MYOCD: variants seen among roughly 807,000 people sequenced by gnomAD.
MYOCD encodes myocardin.
Under a neutral mutation model 96.1 loss-of-function variants are expected in MYOCD, and 32 were observed. The observed-to-expected ratio is 0.33, with a 90% confidence interval of 0.25 to 0.45. The LOEUF (loss-of-function observed/expected upper bound fraction) is 0.45. Ranked by LOEUF, MYOCD falls within the 20% of genes least tolerant of loss-of-function variation. The pLI is 1.00. For missense variants in MYOCD, 1,133 were observed against 1,200.6 expected (o/e 0.94, Z 0.83); for synonymous variants, 469 against 469.0 (o/e 1.00, Z 0.00).
chr17:12,720,613 GA>G (rs1229952700), intron 4 of MYOCD, among the ~76,000 whole-genome samples: 1 of 152,114 alleles, frequency 6.6e-6, no homozygotes, highest in African/African-American at 2.4e-5. Context: ...ATTCTGGGAA[GA>G]AAAATTATAT....
At chr17:12,756,662 C>A in intron 11 of MYOCD, 105 bp downstream of exon 11, 1 of 734,498 alleles carries the variant, frequency 1.4e-6, no homozygotes, top group Non-Finnish European at 2.0e-6. Context: ...CACCACTGCA[C>A]TCCAGCCCAG....
intron 1 of MYOCD, among the ~76,000 whole-genome samples, chr17:12,670,515 C>CA (rs200506685): frequency 0.085 from 12,873 of 152,194 alleles, 588 homozygotes; most frequent in Middle Eastern, 0.17. Flanking sequence ...ATGGACAGTA[C>CA]TGAAGACATT....
chr17:12,690,357 T>C (rs1205153358), intron 1 of MYOCD, among the ~76,000 whole-genome samples: 1 of 152,204 alleles, frequency 6.6e-6, no homozygotes, highest in African/African-American at 2.4e-5. Context: ...TCATCCATTG[T>C]TAATAAGGTC....
intron 4 of MYOCD, among the ~76,000 whole-genome samples, chr17:12,717,921 G>T (rs964167885): frequency 2.0e-5 from 3 of 152,162 alleles, no homozygotes; most frequent in African/African-American, 7.2e-5. Flanking sequence ...CTGTGCTGGG[G>T]TATGTGAGAC....
intron 3 of MYOCD, among the ~76,000 whole-genome samples, chr17:12,716,093 T>C (rs2031631263): frequency 6.6e-6 from 1 of 152,222 alleles, no homozygotes; most frequent in Non-Finnish European, 1.5e-5. Flanking sequence ...AACAAATCTC[T>C]GCAACTTGAA....
intron 1 of MYOCD, among the ~76,000 whole-genome samples, chr17:12,701,381 C>T (rs947563223): frequency 6.6e-6 from 1 of 152,070 alleles, no homozygotes; most frequent in Non-Finnish European, 1.5e-5. Flanking sequence ...CACTGCACTC[C>T]AGCCTTGGTG....
intron 1 of MYOCD, among the ~76,000 whole-genome samples, chr17:12,668,728 G>A (rs1034621202): frequency 1.3e-5 from 2 of 151,946 alleles, no homozygotes; most frequent in Non-Finnish European, 2.9e-5. Flanking sequence ...TGAGCGTTAG[G>A]TAAATTACAT....
At position 12,753,151 on chromosome 17, in the gene MYOCD, C is replaced by T; in HGVS notation, c.1863C>T (p.Thr621=). The change falls in exon 10 of 14, where the codon ACC becomes ACT. Residue 621 remains threonine (T), a synonymous_variant. Transcript: ENST00000425538. ...NAHCVESSDQ[T]NVLSSTFLSP... ...ATTGTGTGGAGTCCTCAGATCAAAC[C>T]AATGTACTTTCTTCCACATTTCTCA... The T allele has an allele frequency of 1.9e-6, 3 of 1,614,158 alleles. No individual in the cohort carries two copies. The highest frequency in any genetic ancestry group is 2.5e-6 in the Non-Finnish European group (3 of 1,180,028).
intron 7 of MYOCD, among the ~76,000 whole-genome samples, chr17:12,743,486 CTTTTTT>C (rs373893604): frequency 3.1e-5 from 3 of 98,314 alleles, no homozygotes; most frequent in African/African-American, 4.0e-5. Context: ...TATGAAAGTT[CTTTTTT>C]TTTTTTTTTT....
chr17:12,680,552 G>T (rs1445196064), intron 1 of MYOCD, among the ~76,000 whole-genome samples: 1 of 152,152 alleles, frequency 6.6e-6, no homozygotes, highest in Non-Finnish European at 1.5e-5. Context: ...TTCAAGGAAC[G>T]CAGGTCAAAT....
At chr17:12,738,877 C>A (rs1284569054) in intron 6 of MYOCD, among the ~76,000 whole-genome samples, 1 of 151,432 alleles carries the variant, frequency 6.6e-6, no homozygotes, top group African/African-American at 2.4e-5. Flanking sequence ...CAGTTTTATA[C>A]CTGTCTTTTG....
rs2032877910 is a variant in MYOCD at position 12,752,487 on chromosome 17, G to A, written c.1199G>A (p.Arg400Gln). 3 of 1,614,128 alleles carry A rather than the reference G, an allele frequency of 1.9e-6. No individual in the cohort carries two copies. The highest frequency in any genetic ancestry group is 1.1e-5 in the South Asian group (1 of 91,072). ...VSGTKTALMD[R>Q]LRPFQDCSGN... is the part of the protein sequence containing the mutation. ...GGCACCAAAACGGCTCTCATGGACC[G>A]GCTTCGACCCTTCCAGGACTGCTCT... The change falls in exon 10 of 14, where the codon CGG becomes CAG. Residue 400 changes from arginine to glutamine, a missense_variant. Physicochemically the swap from Arg to Gln is conservative, Grantham distance 43. Transcript: ENST00000425538.
intron 1 of MYOCD, among the ~76,000 whole-genome samples, chr17:12,691,517 G>C (rs1279834000): frequency 6.6e-6 from 1 of 152,114 alleles, no homozygotes; most frequent in Non-Finnish European, 1.5e-5. Flanking sequence ...TACCCTACCT[G>C]ACTGTTGCCA....
intron 1 of MYOCD, 63 bp from the exon 2 acceptor site, chr17:12,705,065 T>C: frequency 2.9e-6 from 3 of 1,031,884 alleles, no homozygotes; most frequent in Non-Finnish European, 4.5e-6. Context: ...GAATGTGTAA[T>C]GAAAATATAA....
chr17:12,740,876 G>T (rs1190666689), intron 7 of MYOCD, among the ~76,000 whole-genome samples: 1 of 151,958 alleles, frequency 6.6e-6, no homozygotes, highest in East Asian at 1.9e-4. Flanking sequence ...GTAGCTGGGA[G>T]TATAGGTGCA....
chr17:12,750,849 T>C, intron 9 of MYOCD, among the ~76,000 whole-genome samples: 1 of 152,230 alleles, frequency 6.6e-6, no homozygotes, highest in East Asian at 1.9e-4. Context: ...TTTTAAATTT[T>C]ATTTCGTTTC....
Position 12,745,998 on chromosome 17 carries a change from A to T in MYOCD, c.1051A>T (p.Asn351Tyr), listed in dbSNP as rs2032653759. 1 of 1,614,218 alleles carries T rather than the reference A, an allele frequency of 6.2e-7. No homozygotes were observed. The highest frequency in any genetic ancestry group is 1.3e-5 in the African/African-American group (1 of 75,068). Reference protein sequence around the residue: ...LSNTPLSPVKNSFSGQTGVSS... With the variant: ...LSNTPLSPVKYSFSGQTGVSS... ...CAATACCCCCTTGTCTCCTGTCAAA[A>T]ACAGTTTTTCTGGACAAACTGGTGT... The change falls in exon 9 of 14, where the codon AAC becomes TAC. Residue 351 changes from asparagine to tyrosine, a missense_variant. Coordinates refer to ENST00000425538, the MANE Select transcript of MYOCD (RefSeq NM_001146312.3).
chr17:12,677,810 A>G (rs187619436), intron 1 of MYOCD, among the ~76,000 whole-genome samples: 1 of 151,928 alleles, frequency 6.6e-6, no homozygotes, highest in Non-Finnish European at 1.5e-5. Context: ...AAGATATCAT[A>G]TTGATTCTAA....
At chr17:12,741,538 T>C (rs1368472651) in intron 7 of MYOCD, among the ~76,000 whole-genome samples, 2 of 151,910 alleles carry the variant, frequency 1.3e-5, no homozygotes, top group South Asian at 2.1e-4. Context: ...TGAAACCCCG[T>C]CTCTACCAAA....
Sources: allele counts gnomAD v4.1 joint callset (sites outside exome capture counted in the v4.1 genomes callset), GRCh38; gene constraint gnomAD v4.1.1; transcripts MANE v1.5; gene names NCBI Gene and HGNC (gene_info 2026-07-23, HGNC 2026-07-21).